Variants in DAB1 observed in about 807,000 individuals in gnomAD.
DAB1 encodes the protein disabled homolog 1.
A neutral mutation model predicts 64.6 loss-of-function variants in DAB1; 15 were observed. The observed-to-expected ratio is 0.23, with a 90% confidence interval of 0.16 to 0.36. The LOEUF is 0.36. Ranked by LOEUF, DAB1 falls within the 10% of genes least tolerant of loss-of-function variation. The pLI is 1.00. For synonymous variants in DAB1, 235 were observed against 251.9 expected, an observed-to-expected ratio of 0.93 and a Z score of 0.64; for missense variants, 596 against 706.7, an observed-to-expected ratio of 0.84 and a Z score of 1.78.
intron 9 of DAB1, among the ~76,000 whole-genome samples, chr1:57,053,477 G>A (rs1200650754): frequency 3.3e-5 from 5 of 150,194 alleles, no homozygotes; most frequent in African/African-American, 7.3e-5. Flanking sequence ...TGAACTCCTG[G>A]CCCCAAGAGA....
intron 6 of DAB1, among the ~76,000 whole-genome samples, chr1:57,650,093 G>A (rs1001484741): frequency 4.6e-5 from 7 of 152,226 alleles, no homozygotes; most frequent in African/African-American, 1.4e-4. Flanking sequence ...TCTTAAAAGC[G>A]ATCAGACCCT....
chr1:58,443,551 T>C (rs1645035008), intron 3 of DAB1, among the ~76,000 whole-genome samples: 1 of 152,220 alleles, frequency 6.6e-6, no homozygotes. Flanking sequence ...TTTTAGTTAA[T>C]AGTAATGTAC....
rs188715217 is a variant in DAB1 at position 57,058,809 on chromosome 1, G to C, written c.723+4075C>G. On this transcript the variant is annotated intron_variant, in intron 9 of 14. Transcript: ENST00000371236. ...AACCCCGGTATCTCTCATAGCTTAG[G>C]TTACTACCACAGTCCTCAGCGGGAA... 3.3e-5 allele frequency among the ~76,000 whole-genome samples: 5 copies of C among 152,306 alleles called. No homozygotes were observed. The East Asian group carries it at 9.7e-4, about 29-fold the overall frequency.
intron 5 of DAB1, among the ~76,000 whole-genome samples, chr1:57,967,986 CAT>C (rs1441059649): frequency 6.6e-6 from 1 of 152,126 alleles, no homozygotes; most frequent in East Asian, 1.9e-4. Flanking sequence ...AAAAGGAAAA[CAT>C]AGCGCCGAAC....
intron 2 of DAB1, among the ~76,000 whole-genome samples, chr1:58,514,576 C>T (rs976669675): frequency 2.0e-5 from 3 of 152,076 alleles, no homozygotes; most frequent in Non-Finnish European, 4.4e-5. Context: ...CCATTAACAC[C>T]CTACACTTGT....
At chr1:58,024,028 A>G (rs773464080) in intron 5 of DAB1, among the ~76,000 whole-genome samples, 2 of 152,280 alleles carry the variant, frequency 1.3e-5, no homozygotes, top group South Asian at 4.1e-4. Context: ...TGAGAGTGGC[A>G]TGAGAGTTTT....
chr1:58,212,634 TA>T (rs751889737), intron 4 of DAB1, among the ~76,000 whole-genome samples: 4 of 152,178 alleles, frequency 2.6e-5, no homozygotes, highest in Non-Finnish European at 4.4e-5. Context: ...GAAATTAAGA[TA>T]AATGCAGCTG....
chr1:58,351,087 T>C (rs982681148), intron 3 of DAB1, among the ~76,000 whole-genome samples: 4 of 152,194 alleles, frequency 2.6e-5, no homozygotes, highest in Non-Finnish European at 5.9e-5. Flanking sequence ...TTCCTATCCA[T>C]GAGCATGGAA....
intron 1 of DAB1, among the ~76,000 whole-genome samples, chr1:57,298,956 A>T (rs556513982): frequency 6.6e-6 from 1 of 152,350 alleles, no homozygotes; most frequent in African/African-American, 2.4e-5. Context: ...GTTTTCATGA[A>T]ATTGACACCG....
At chr1:57,813,448 A>C (rs2101887335) in intron 6 of DAB1, among the ~76,000 whole-genome samples, 1 of 152,334 alleles carries the variant, frequency 6.6e-6, no homozygotes, top group African/African-American at 2.4e-5. Context: ...TGGGACACAA[A>C]GGCAAATTAA....
At chr1:57,693,192 G>A (rs996477650) in intron 6 of DAB1, among the ~76,000 whole-genome samples, 1 of 152,054 alleles carries the variant, frequency 6.6e-6, no homozygotes, top group Non-Finnish European at 1.5e-5. Context: ...CAACTTCAGG[G>A]CCCCTTCTTC....
At chr1:58,340,120 A>G (rs1225612816) in intron 4 of DAB1, among the ~76,000 whole-genome samples, 1 of 152,212 alleles carries the variant, frequency 6.6e-6, no homozygotes, top group Non-Finnish European at 1.5e-5. Flanking sequence ...GACATCTCAA[A>G]TCAAATACAT....
At chr1:57,059,417 TGGGA>T (rs1650157078) in intron 9 of DAB1, among the ~76,000 whole-genome samples, 1 of 152,086 alleles carries the variant, frequency 6.6e-6, no homozygotes, top group South Asian at 2.1e-4. Flanking sequence ...TCTCTTCTTA[TGGGA>T]AATTTGTGGA....
At chr1:58,224,653 C>A (rs1022489018) in intron 4 of DAB1, among the ~76,000 whole-genome samples, 1 of 152,178 alleles carries the variant, frequency 6.6e-6, no homozygotes, top group African/African-American at 2.4e-5. Flanking sequence ...TCACAGGAAC[C>A]TCAAAAAGGG....
intron 11 of DAB1, among the ~76,000 whole-genome samples, chr1:57,023,150 TCTCA>T (rs1557567015): frequency 1.7e-4 from 26 of 152,286 alleles, no homozygotes; most frequent in African/African-American, 6.0e-4. Flanking sequence ...ATCCATCAGG[TCTCA>T]AGAAGTCTAT....
intron 1 of DAB1, among the ~76,000 whole-genome samples, chr1:57,304,521 C>A (rs1000562662): frequency 3.9e-5 from 6 of 152,182 alleles, no homozygotes; most frequent in Non-Finnish European, 7.3e-5. Context: ...CCACCAAGTC[C>A]CAGATATGTG....
chr1:58,142,593 C>T (rs1460930290), intron 5 of DAB1, among the ~76,000 whole-genome samples: 1 of 152,238 alleles, frequency 6.6e-6, no homozygotes, highest in African/African-American at 2.4e-5. Context: ...GGATCTAAGC[C>T]TATGCTCCCT....
chr1:58,043,234 T>A (rs1462340630), intron 5 of DAB1, among the ~76,000 whole-genome samples: 1 of 152,230 alleles, frequency 6.6e-6, no homozygotes, highest in Non-Finnish European at 1.5e-5. Flanking sequence ...ATTTGCTCCA[T>A]CTATGTACTA....
chr1:58,074,574 A>ATGTGTGTGTGTGTG (rs1649517624), intron 5 of DAB1: 1 of 124,424 alleles, frequency 8.0e-6, no homozygotes, highest in Non-Finnish European at 1.7e-5. Flanking sequence ...GTATATATAT[A>ATGTGTGTGTGTGTG]TATATATATA....
Sources: gnomAD v4.1 joint callset for allele counts (sites outside exome capture counted in the v4.1 genomes callset) on GRCh38, gnomAD v4.1.1 for gene constraint, MANE v1.5 for transcripts, NCBI Gene and HGNC (gene_info 2026-07-23, HGNC 2026-07-21) for gene names.